HMGB1: variants seen among roughly 807,000 people sequenced by gnomAD.
HMGB1 encodes the protein high mobility group box 1.
For synonymous variants in HMGB1, 81 were observed against 84.0 expected, an observed-to-expected ratio of 0.96 and a Z score of 0.19; for missense variants, 79 against 253.5, an observed-to-expected ratio of 0.31 and a Z score of 4.67.
chr13:30,553,772 T>C (rs185162180), intron 1 of HMGB1: 6 of 1,389,196 alleles, frequency 4.3e-6, no homozygotes, highest in East Asian at 4.6e-5. Context: ...ACTATCTTCA[T>C]AGAGTGGCCA....
At chr13:30,554,599 T>A (rs1869593129) in intron 1 of HMGB1, 2 of 771,408 alleles carry the variant, frequency 2.6e-6, no homozygotes, top group Non-Finnish European at 4.8e-6. Context: ...AAATAATGAC[T>A]GAAAAATACA....
chr13:30,548,233 T>C (rs1869257104), intron 1 of HMGB1, among the ~76,000 whole-genome samples: 1 of 152,086 alleles, frequency 6.6e-6, no homozygotes, highest in South Asian at 2.1e-4. Context: ...ACTGAGTGAA[T>C]TCTCATGAGA....
intron 1 of HMGB1, among the ~76,000 whole-genome samples, chr13:30,509,615 G>A (rs1395513663): frequency 6.6e-6 from 1 of 152,084 alleles, no homozygotes; most frequent in African/African-American, 2.4e-5. Flanking sequence ...ACCTTTGCCT[G>A]GGGATATGAA....
At chr13:30,481,627 G>T (rs1361023177) in intron 1 of HMGB1, among the ~76,000 whole-genome samples, 1 of 152,180 alleles carries the variant, frequency 6.6e-6, no homozygotes, top group Non-Finnish European at 1.5e-5. Context: ...CCCCGGTGGG[G>T]CAAAATCAGT....
chr13:30,467,237 A>C, upstream of HMGB1, among the ~76,000 whole-genome samples: 1 of 152,150 alleles, frequency 6.6e-6, no homozygotes, highest in East Asian at 1.9e-4. Context: ...TCACTCTCTA[A>C]TGGTATTTTG....
intron 1 of HMGB1, among the ~76,000 whole-genome samples, chr13:30,538,659 CTTTCCTTTCTTT>C (rs1868662412): frequency 2.2e-5 from 1 of 45,808 alleles, no homozygotes; most frequent in African/African-American, 1.1e-4. Context: ...TTCTTTCTTT[CTTTCCTTTCTTT>C]CTTTCTTTCT....
intron 1 of HMGB1, among the ~76,000 whole-genome samples, chr13:30,488,289 A>T (rs967287580): frequency 2.0e-5 from 3 of 152,242 alleles, no homozygotes; most frequent in Non-Finnish European, 2.9e-5. Context: ...AACTATCACT[A>T]AACAAAACAA....
intron 1 of HMGB1, chr13:30,541,019 T>C (rs1174686428): frequency 6.6e-6 from 1 of 152,320 alleles, no homozygotes; most frequent in East Asian, 1.9e-4. Flanking sequence ...CTTTTATTTC[T>C]TGATACAAAC....
chr13:30,571,419 C>G lies in HMGB1; in HGVS notation c.-15+45252G>C, dbSNP rs202031179. 1.3e-3 allele frequency among the ~76,000 whole-genome samples: 200 copies of G among 152,142 alleles called. 2 individuals are homozygous for G. Among genetic ancestry groups the G allele is most frequent in the Admixed American group, 0.011 (166 of 15,286 alleles). On this transcript the variant is annotated intron_variant, in intron 1 of 4. Transcript: ENST00000405805. Reference sequence around the variant, plus strand: ...AGGTGATTCTCTTGCCTCAGCCTCCCAAGTAGCTGGGACTACAGGCATGTG... The same window carrying G: ...AGGTGATTCTCTTGCCTCAGCCTCCGAAGTAGCTGGGACTACAGGCATGTG...
intron 1 of HMGB1, among the ~76,000 whole-genome samples, chr13:30,522,513 A>G (rs1225935629): frequency 1.3e-5 from 2 of 152,134 alleles, no homozygotes; most frequent in Non-Finnish European, 2.9e-5. Flanking sequence ...GTGATGACGA[A>G]TTAGAGGTAA....
At chr13:30,545,613 A>G (rs1869118235) in intron 1 of HMGB1, among the ~76,000 whole-genome samples, 1 of 152,130 alleles carries the variant, frequency 6.6e-6, no homozygotes, top group Non-Finnish European at 1.5e-5. Context: ...GTCAGCCACT[A>G]GCCATATGTG....
chr13:30,464,813 G>C (rs1269609419), intron 1 of HMGB1: 2 of 169,182 alleles, frequency 1.2e-5, no homozygotes, highest in African/African-American at 2.4e-5. Context: ...GAGTGCGAGG[G>C]TGCGGGCGCG....
At chr13:30,518,177 A>AT (rs1888142731) in intron 1 of HMGB1, among the ~76,000 whole-genome samples, 1 of 152,046 alleles carries the variant, frequency 6.6e-6, no homozygotes, top group African/African-American at 2.4e-5. Context: ...ACTAAAAATA[A>AT]AAATAAAAAA....
At chr13:30,478,276 G>T (rs1887144898) in intron 1 of HMGB1, among the ~76,000 whole-genome samples, 1 of 152,184 alleles carries the variant, frequency 6.6e-6, no homozygotes, top group Admixed American at 6.5e-5. Context: ...GTTCAAGGCT[G>T]CAGTGAGCTG....
At chr13:30,538,466 C>CTT (rs917221175) in intron 1 of HMGB1, among the ~76,000 whole-genome samples, 2 of 66,560 alleles carry the variant, frequency 3.0e-5, no homozygotes, top group East Asian at 3.6e-4. Context: ...TTCTTTCTTT[C>CTT]TTTCTTTCTT....
intron 1 of HMGB1, among the ~76,000 whole-genome samples, chr13:30,564,149 T>C (rs2137527700): frequency 6.6e-6 from 1 of 152,036 alleles, no homozygotes; most frequent in South Asian, 2.1e-4. Context: ...AAACTAACCA[T>C]GAGCCACGTG....
chr13:30,506,170 G>C (rs1354123339), intron 1 of HMGB1, among the ~76,000 whole-genome samples: 2 of 152,198 alleles, frequency 1.3e-5, no homozygotes, highest in African/African-American at 4.8e-5. Flanking sequence ...CCCCTTCCCA[G>C]GTGGCAGCAT....
At chr13:30,483,311 CA>C (rs1168854727) in intron 1 of HMGB1, among the ~76,000 whole-genome samples, 1 of 152,050 alleles carries the variant, frequency 6.6e-6, no homozygotes, top group Non-Finnish European at 1.5e-5. Flanking sequence ...GGGGTCCTCT[CA>C]CTCAGTTGCC....
At chr13:30,548,115 CA>C (rs1869248688) in intron 1 of HMGB1, among the ~76,000 whole-genome samples, 1 of 152,092 alleles carries the variant, frequency 6.6e-6, no homozygotes, top group Non-Finnish European at 1.5e-5. Context: ...TGTCCTCACC[CA>C]AATCTCATCT....
Sources: gnomAD v4.1 joint callset for allele counts (sites outside exome capture counted in the v4.1 genomes callset) on GRCh38, gnomAD v4.1.1 for gene constraint, MANE v1.5 for transcripts, NCBI Gene and HGNC (gene_info 2026-07-23, HGNC 2026-07-21) for gene names.